The following IL1RAPL1 variants were observed in gnomAD, a reference collection of about 807,000 sequenced individuals.
IL1RAPL1 encodes the protein interleukin-1 receptor accessory protein-like 1.
In IL1RAPL1, 3 loss-of-function variants were observed where a neutral mutation model predicts 48.4. The observed-to-expected ratio is 0.06, with a 90% CI of 0.03 to 0.16. The LOEUF is 0.16. Ranked by LOEUF, IL1RAPL1 falls within the 10% of genes least tolerant of loss-of-function variation. The probability of loss-of-function intolerance (pLI) is 1.00; values close to 1 mark genes in which losing one functional copy is unlikely to be tolerated. For missense variants in IL1RAPL1, 349 were observed against 530.6 expected, an observed-to-expected ratio of 0.66 and a Z score of 3.36; for synonymous variants, 185 against 187.7, an observed-to-expected ratio of 0.99 and a Z score of 0.12.
At chrX:29,311,378 A>T (rs1932721635) in intron 3 of IL1RAPL1, among the ~76,000 whole-genome samples, 1 of 111,803 alleles carries the variant, frequency 8.9e-6, no homozygotes, top group Non-Finnish European at 1.9e-5. Context: ...GGAAAAATGT[A>T]CTCTACCAGG....
intron 5 of IL1RAPL1, among the ~76,000 whole-genome samples, chrX:29,584,594 T>C (rs5927848): frequency 0.51 from 56,506 of 110,165 alleles, 11,850 homozygotes; most frequent in African/African-American, 0.8. Flanking sequence ...CTTAAAATTA[T>C]CCAGGCTGGA....
At chrX:29,418,116 TA>T (rs1367215944) in intron 5 of IL1RAPL1, among the ~76,000 whole-genome samples, 1,329 of 39,014 alleles carry the variant, frequency 0.034, 22 homozygotes, top group Non-Finnish European at 0.041. Flanking sequence ...TATATATATA[TA>T]TATATATATT....
chrX:29,798,716 A>G (rs774729112), intron 6 of IL1RAPL1, among the ~76,000 whole-genome samples: 1 of 112,368 alleles, frequency 8.9e-6, no homozygotes, highest in South Asian at 3.7e-4. Context: ...GCACAAAAGG[A>G]AGTTTCACAA....
intron 5 of IL1RAPL1, among the ~76,000 whole-genome samples, chrX:29,570,776 A>G (rs1187388816): frequency 1.8e-5 from 2 of 112,361 alleles, no homozygotes; most frequent in Non-Finnish European, 3.8e-5. Flanking sequence ...ACTACGTTAC[A>G]TTGATTCACT....
At chrX:29,770,889 T>G (rs1405946992) in intron 6 of IL1RAPL1, among the ~76,000 whole-genome samples, 1 of 112,340 alleles carries the variant, frequency 8.9e-6, no homozygotes, top group African/African-American at 3.2e-5. Context: ...TGTATCTTAT[T>G]TTGTGGGACA....
At chrX:29,777,039 C>A (rs951438199) in intron 6 of IL1RAPL1, among the ~76,000 whole-genome samples, 1 of 111,743 alleles carries the variant, frequency 8.9e-6, no homozygotes, top group East Asian at 2.8e-4. Flanking sequence ...CTTATAAATT[C>A]ACTGGTCTTT....
At chrX:29,038,587 G>A (rs949846966) in intron 2 of IL1RAPL1, among the ~76,000 whole-genome samples, 4 of 111,206 alleles carry the variant, frequency 3.6e-5, no homozygotes, top group African/African-American at 1.3e-4. Context: ...TGGAGTGGGG[G>A]CCATTGGTAC....
chrX:28,750,274 T>G (rs991056342), intron 1 of IL1RAPL1, among the ~76,000 whole-genome samples: 1 of 111,727 alleles, frequency 9.0e-6, no homozygotes, highest in African/African-American at 3.3e-5. Context: ...TTTTTTAAAT[T>G]TTTGGATTTT....
intron 5 of IL1RAPL1, among the ~76,000 whole-genome samples, chrX:29,635,539 A>G (rs1166652201): frequency 8.9e-6 from 1 of 112,044 alleles, no homozygotes; most frequent in Non-Finnish European, 1.9e-5. Context: ...ACTACAATGT[A>G]TCATTTCACA....
intron 1 of IL1RAPL1, among the ~76,000 whole-genome samples, chrX:28,658,528 G>A: frequency 9.1e-6 from 1 of 109,348 alleles, no homozygotes; most frequent in East Asian, 2.9e-4. Context: ...TCCCCAATTA[G>A]TTTTTGTCTT....
intron 6 of IL1RAPL1, among the ~76,000 whole-genome samples, chrX:29,784,541 A>G (rs1257866568): frequency 8.9e-6 from 1 of 111,769 alleles, no homozygotes. Context: ...TAGGAGTAGC[A>G]AAAAATAAGA....
At chrX:28,756,659 G>T (rs944302706) in intron 1 of IL1RAPL1, among the ~76,000 whole-genome samples, 6 of 111,542 alleles carry the variant, frequency 5.4e-5, no homozygotes, top group African/African-American at 2.0e-4. Context: ...CTAAAGCTTT[G>T]ACTCTTTTCC....
intron 5 of IL1RAPL1, among the ~76,000 whole-genome samples, chrX:29,548,557 G>T (rs887912365): frequency 8.9e-6 from 1 of 111,878 alleles, no homozygotes; most frequent in African/African-American, 3.2e-5. Flanking sequence ...ACTAATATAT[G>T]TTTTTAAAAT....
chrX:29,913,836 C>T, intron 6 of IL1RAPL1, among the ~76,000 whole-genome samples: 1 of 111,264 alleles, frequency 9.0e-6, no homozygotes, highest in East Asian at 2.8e-4. Context: ...CATAGAACAG[C>T]GCTGCTCCTG....
chrX:29,418,717 G>C (rs1297906854), intron 5 of IL1RAPL1, among the ~76,000 whole-genome samples: 2 of 111,993 alleles, frequency 1.8e-5, no homozygotes, highest in Admixed American at 1.9e-4. Context: ...CAAATAGGTA[G>C]TAAGCTATTT....
At chrX:28,774,500 ATTCAGTTCC>A (rs377059411) in intron 1 of IL1RAPL1, among the ~76,000 whole-genome samples, 2 of 111,473 alleles carry the variant, frequency 1.8e-5, no homozygotes, top group African/African-American at 6.5e-5. Flanking sequence ...GGTTTACAAA[ATTCAGTTCC>A]TTGAAAGTTG....
At chrX:28,722,994 C>T (rs1355241157) in intron 1 of IL1RAPL1, among the ~76,000 whole-genome samples, 1 of 111,546 alleles carries the variant, frequency 9.0e-6, no homozygotes, top group East Asian at 2.8e-4. Flanking sequence ...ATTCGGTTTG[C>T]CAGTATCTTA....
chrX:28,892,064 T>A (rs1406166587), intron 2 of IL1RAPL1, among the ~76,000 whole-genome samples: 2 of 111,054 alleles, frequency 1.8e-5, no homozygotes, highest in Non-Finnish European at 3.8e-5. Context: ...TTAAATTGGG[T>A]TTTCTGTGCT....
intron 1 of IL1RAPL1, among the ~76,000 whole-genome samples, chrX:28,595,093 T>C (rs1161447192): frequency 8.9e-6 from 1 of 112,203 alleles, no homozygotes; most frequent in East Asian, 2.8e-4. Flanking sequence ...TATCCCACTT[T>C]GACGATATTG....
Sources: allele counts gnomAD v4.1 joint callset (sites outside exome capture counted in the v4.1 genomes callset), GRCh38; gene constraint gnomAD v4.1.1; transcripts MANE v1.5; gene names NCBI Gene and HGNC (gene_info 2026-07-23, HGNC 2026-07-21).